Variants in TBC1D19 observed in about 807,000 individuals in gnomAD.
TBC1D19 encodes the protein TBC1 domain family member 19.
TBC1D19 carries 60 observed loss-of-function variants against 89.0 expected under a neutral mutation model. The observed-to-expected ratio is 0.67, with a 90% CI of 0.55 to 0.84. TBC1D19 has a LOEUF of 0.84. Ranked by LOEUF, TBC1D19 falls within the 40% of genes least tolerant of loss-of-function variation. The pLI, the probability that TBC1D19 is intolerant of heterozygous loss-of-function variation, is 0.00. For missense variants in TBC1D19, 500 were observed against 610.8 expected (o/e 0.82, Z 1.91); for synonymous variants, 189 against 199.7 (o/e 0.95, Z 0.45).
chr4:26,730,937 G>C (rs1717624191), intron 15 of TBC1D19, among the ~76,000 whole-genome samples: 1 of 152,208 alleles, frequency 6.6e-6, no homozygotes, highest in Non-Finnish European at 1.5e-5. Context: ...GGGTACCTTG[G>C]ATGTGGTCTG....
chr4:26,721,654 A>AT (rs2109272794), intron 15 of TBC1D19, among the ~76,000 whole-genome samples: 1 of 152,198 alleles, frequency 6.6e-6, no homozygotes, highest in South Asian at 2.1e-4. Context: ...ATGGCTTCCC[A>AT]TCTCTTAACA....
At chr4:26,606,267 AC>A (rs1289199133) in intron 1 of TBC1D19, among the ~76,000 whole-genome samples, 1 of 152,212 alleles carries the variant, frequency 6.6e-6, no homozygotes, top group African/African-American at 2.4e-5. Context: ...ACAGTGGAGA[AC>A]AAGTTGGACT....
the TBC1D19 span, among the ~76,000 whole-genome samples, chr4:26,842,586 T>TCC: frequency 7.7e-3 from 575 of 74,378 alleles, 8 homozygotes; most frequent in Middle Eastern, 0.011. Context: ...CTCCCTCCCT[T>TCC]TCTTTCTTTC....
the TBC1D19 span, among the ~76,000 whole-genome samples, chr4:26,846,778 G>T: frequency 6.6e-6 from 1 of 152,066 alleles, no homozygotes; most frequent in African/African-American, 2.4e-5. Flanking sequence ...CAATATCTAT[G>T]AATACTTTTT....
chr4:26,708,726 T>A (rs985658378), intron 13 of TBC1D19, among the ~76,000 whole-genome samples: 3 of 152,170 alleles, frequency 2.0e-5, no homozygotes, highest in Non-Finnish European at 4.4e-5. Flanking sequence ...TGCTGATTCT[T>A]TCTTCTACCT....
the TBC1D19 span, among the ~76,000 whole-genome samples, chr4:26,761,637 CATAA>C: frequency 6.6e-6 from 1 of 152,214 alleles, no homozygotes; most frequent in African/African-American, 2.4e-5. Flanking sequence ...GTATGTCATC[CATAA>C]ATAAATAAAA....
intron 7 of TBC1D19, among the ~76,000 whole-genome samples, chr4:26,642,254 A>T (rs1216074075): frequency 1.3e-5 from 2 of 152,230 alleles, no homozygotes; most frequent in Non-Finnish European, 2.9e-5. Context: ...TACAAGCCAG[A>T]AGAGACTGGG....
At chr4:26,789,490 G>A in the TBC1D19 span, among the ~76,000 whole-genome samples, 13 of 152,294 alleles carry the variant, frequency 8.5e-5, no homozygotes, top group African/African-American at 3.1e-4. Flanking sequence ...AAAGGCAAAT[G>A]AAAACCACAG....
the TBC1D19 span, among the ~76,000 whole-genome samples, chr4:26,762,080 G>A: frequency 1.3e-5 from 2 of 152,174 alleles, no homozygotes; most frequent in Non-Finnish European, 2.9e-5. Context: ...AGGTTGCAGT[G>A]AGCCGAGGTT....
intron 9 of TBC1D19, among the ~76,000 whole-genome samples, chr4:26,670,216 T>C (rs1297979467): frequency 2.0e-5 from 3 of 150,304 alleles, no homozygotes; most frequent in African/African-American, 7.3e-5. Context: ...AGACTATATA[T>C]ATTTTTATAT....
chr4:26,577,302 C>A (rs1051852003), intron 1 of TBC1D19, among the ~76,000 whole-genome samples: 3 of 148,988 alleles, frequency 2.0e-5, no homozygotes, highest in Non-Finnish European at 4.5e-5. Flanking sequence ...TGTGTGTGTG[C>A]GTGTGTGTGT....
intron 7 of TBC1D19, among the ~76,000 whole-genome samples, chr4:26,650,787 C>A (rs1274027180): frequency 6.6e-6 from 1 of 152,086 alleles, no homozygotes; most frequent in African/African-American, 2.4e-5. Flanking sequence ...AAGTCCTTGC[C>A]CATGCCTATG....
the TBC1D19 span, among the ~76,000 whole-genome samples, chr4:26,836,134 C>T: frequency 1.3e-5 from 2 of 152,122 alleles, no homozygotes; most frequent in South Asian, 2.1e-4. Flanking sequence ...TTGGTTTAAA[C>T]GTCATTCTTA....
intron 8 of TBC1D19, among the ~76,000 whole-genome samples, chr4:26,663,489 A>G (rs1399218067): frequency 6.6e-6 from 1 of 152,184 alleles, no homozygotes. Flanking sequence ...AACTTGAAGG[A>G]GTTTGCTAGG....
chr4:26,768,563 T>A, the TBC1D19 span, among the ~76,000 whole-genome samples: 1 of 152,170 alleles, frequency 6.6e-6, no homozygotes, highest in African/African-American at 2.4e-5. Context: ...GCAAGAACAT[T>A]ACTTTTTATA....
the TBC1D19 span, among the ~76,000 whole-genome samples, chr4:26,856,623 T>A: frequency 6.6e-6 from 1 of 152,210 alleles, no homozygotes; most frequent in Non-Finnish European, 1.5e-5. Flanking sequence ...TTTCTCCACA[T>A]CCTCATCAAC....
At chr4:26,735,641 C>T (rs1277100598) in intron 16 of TBC1D19, among the ~76,000 whole-genome samples, 154 bp downstream of exon 16, 1 of 151,850 alleles carries the variant, frequency 6.6e-6, no homozygotes, top group African/African-American at 2.4e-5. Flanking sequence ...CCCATAGGGG[C>T]TTCATTTTTT....
At chr4:26,712,334 G>T in intron 13 of TBC1D19, among the ~76,000 whole-genome samples, 1 of 151,968 alleles carries the variant, frequency 6.6e-6, no homozygotes, top group East Asian at 1.9e-4. Context: ...GAGAATCTGG[G>T]TTTTTCTTGC....
the TBC1D19 span, among the ~76,000 whole-genome samples, chr4:26,819,869 C>T: frequency 6.6e-6 from 1 of 152,194 alleles, no homozygotes; most frequent in Admixed American, 6.5e-5. Flanking sequence ...TCTCATGACT[C>T]AGAGCCACCG....
Sources: allele counts gnomAD v4.1 joint callset (sites outside exome capture counted in the v4.1 genomes callset), GRCh38; gene constraint gnomAD v4.1.1; transcripts MANE v1.5; gene names NCBI Gene and HGNC (gene_info 2026-07-23, HGNC 2026-07-21).